Variants in PCDHGA5 observed in about 807,000 individuals in gnomAD.
PCDHGA5 encodes protocadherin gamma subfamily A, 5, also known as protocadherin gamma-A5.
In PCDHGA5, 36 loss-of-function variants were observed where a neutral mutation model predicts 56.7. The observed-to-expected ratio is 0.64, with a 90% CI of 0.49 to 0.84. The LOEUF (loss-of-function observed/expected upper bound fraction) is 0.84, where lower values mean the gene tolerates loss of function less well. PCDHGA5 is among the 40% of genes least tolerant of loss of function. PCDHGA5 has a pLI of 0.00. For missense variants in PCDHGA5, 1,305 were observed against 1,201.5 expected, an observed-to-expected ratio of 1.09 and a Z score of -1.27; for synonymous variants, 563 against 520.2, an observed-to-expected ratio of 1.08 and a Z score of -1.12.
intron 1 of PCDHGA5, among the ~76,000 whole-genome samples, chr5:141,401,937 T>A (rs531669581): frequency 2.6e-5 from 4 of 152,356 alleles, no homozygotes; most frequent in African/African-American, 7.2e-5. Flanking sequence ...TAGAATAATG[T>A]TTAAGACCAC....
intron 1 of PCDHGA5, chr5:141,427,320 G>GT: frequency 2.2e-6 from 1 of 457,086 alleles, no homozygotes; most frequent in Non-Finnish European, 4.4e-6. Context: ...CCCAGACGTG[G>GT]TTTTTACTTC....
intron 1 of PCDHGA5, chr5:141,428,862 T>TC (rs1345604550): frequency 2.7e-5 from 2 of 74,856 alleles, no homozygotes; most frequent in African/African-American, 2.0e-4. Flanking sequence ...ACGGGAGACT[T>TC]TTTTTTTTTT....
intron 1 of PCDHGA5, chr5:141,441,795 C>T (rs569465359): frequency 2.6e-6 from 1 of 387,758 alleles, no homozygotes; most frequent in Non-Finnish European, 5.1e-6. Flanking sequence ...TGACAACGCA[C>T]CGCGGGTGCT....
At chr5:141,510,682 GA>G (rs1303501817) in intron 3 of PCDHGA5, among the ~76,000 whole-genome samples, 6 of 152,154 alleles carry the variant, frequency 3.9e-5, no homozygotes, top group Non-Finnish European at 8.8e-5. Flanking sequence ...GTGGCATAAG[GA>G]GGTTAGGTAG....
At chr5:141,404,720 A>C in intron 1 of PCDHGA5, 1 of 1,613,804 alleles carries the variant, frequency 6.2e-7, no homozygotes, top group Non-Finnish European at 8.5e-7. Flanking sequence ...CCTGGTGACC[A>C]AGGTGGTGGC....
At chr5:141,505,305 C>T (rs1363643214) in intron 2 of PCDHGA5, 88 bp from the exon 3 acceptor site, 2 of 1,595,104 alleles carry the variant, frequency 1.3e-6, no homozygotes, top group Admixed American at 1.7e-5. Flanking sequence ...GGTTAGGGTA[C>T]TAGGTTTGGG....
At position 141,489,728 on chromosome 5, in the gene PCDHGA5, G is replaced by T; in HGVS notation, c.2422-5079G>T. ...GACAGTGCCCAGGATCCGGATGTGGGCACCAATACTGTGAGCTTTTACACT... is the reference window on the plus strand; with the variant it reads ...GACAGTGCCCAGGATCCGGATGTGGTCACCAATACTGTGAGCTTTTACACT... On this transcript the variant is annotated intron_variant, in intron 1 of 3. Transcript: ENST00000518069. The surrounding 1 kb of genome is among the most constrained non-coding windows in gnomAD (Gnocchi z 4.5). The T allele has an allele frequency of 3.1e-6, 5 of 1,614,138 alleles. No homozygotes were observed. The South Asian group carries it at 5.5e-5, about 18-fold the overall frequency.
At position 141,385,367 on chromosome 5, in the gene PCDHGA5, A is replaced by G. The variant is rs764038151; in HGVS notation, c.2421+18616A>G. 2.0e-5 allele frequency: 31 copies of G among 1,536,828 alleles called. 1 individual carries two copies. In the South Asian group the frequency reaches 3.9e-4, roughly 19 times the overall value. On this transcript the variant is annotated intron_variant, in intron 1 of 3. Coordinates refer to ENST00000518069, the MANE Select transcript of PCDHGA5 (RefSeq NM_018918.3). ...TTATTTCCATGAGGAATTTATTTGCATGATATTTCTCTATTATTTTGCAAA... is the reference window on the plus strand; with the variant it reads ...TTATTTCCATGAGGAATTTATTTGCGTGATATTTCTCTATTATTTTGCAAA...
chr5:141,457,806 G>A (rs1321207711), intron 1 of PCDHGA5, among the ~76,000 whole-genome samples: 1 of 152,150 alleles, frequency 6.6e-6, no homozygotes, highest in Non-Finnish European at 1.5e-5. Context: ...CTCCTCTTGA[G>A]GTCCCAAGAT....
chr5:141,469,419 A>G (rs1047562022), intron 1 of PCDHGA5, among the ~76,000 whole-genome samples: 2 of 152,066 alleles, frequency 1.3e-5, no homozygotes, highest in South Asian at 2.1e-4. Flanking sequence ...TACTAAAAAT[A>G]TAAAACTTAG....
intron 2 of PCDHGA5, among the ~76,000 whole-genome samples, chr5:141,500,212 ATT>A (rs1336187706): frequency 5.4e-5 from 8 of 148,798 alleles, no homozygotes; most frequent in African/African-American, 2.0e-4. Context: ...TTATTTATTT[ATT>A]TATTTATTTA....
At chr5:141,407,943 T>C (rs575027782) in intron 1 of PCDHGA5, 7 of 537,790 alleles carry the variant, frequency 1.3e-5, no homozygotes, top group African/African-American at 7.6e-5. Flanking sequence ...TGGGCGCCGC[T>C]GTCGGCCAGT....
At chr5:141,385,020 C>A (rs1780771634) in intron 1 of PCDHGA5, 7 of 1,614,168 alleles carry the variant, frequency 4.3e-6, no homozygotes, top group Non-Finnish European at 5.9e-6. Flanking sequence ...TCCTAGCCTT[C>A]GTCCTCGTAC....
chr5:141,371,867 C>A (rs1452583584), intron 1 of PCDHGA5: 14 of 1,613,430 alleles, frequency 8.7e-6, no homozygotes, highest in Non-Finnish European at 1.0e-5. Context: ...CCTACTACAT[C>A]GTGGCCAGTG....
In PCDHGA5 at chr5:141,478,136, C is replaced by G. The variant is rs529858044; in HGVS notation, c.2422-16671C>G. 1.4e-4 allele frequency: 218 copies of G among 1,614,048 alleles called. 3 individuals are homozygous for G. The South Asian group carries it at 2.2e-3, about 17-fold the overall frequency. ...AGTAACCGAGGACTCTCCTGAAGCC[C>G]GAGCCGAGTTCCCCTCTGGCTCTGC... is the stretch of plus-strand genomic sequence containing the variant. On this transcript the variant is annotated intron_variant, in intron 1 of 3. Coordinates refer to ENST00000518069, the MANE Select transcript of PCDHGA5 (RefSeq NM_018918.3).
chr5:141,442,898 TCTC>T (rs1427810429), intron 1 of PCDHGA5, among the ~76,000 whole-genome samples: 14 of 152,222 alleles, frequency 9.2e-5, no homozygotes, highest in Admixed American at 9.2e-4. Context: ...GCTTATCACT[TCTC>T]CTTCAGCACA....
At chr5:141,475,282 G>C (rs942761003) in intron 1 of PCDHGA5, among the ~76,000 whole-genome samples, 2 of 152,150 alleles carry the variant, frequency 1.3e-5, no homozygotes, top group African/African-American at 4.8e-5. Context: ...TGAAAGACAG[G>C]GTAGGGAAAT....
chr5:141,392,968 T>C (rs748824740), intron 1 of PCDHGA5: 1 of 1,613,910 alleles, frequency 6.2e-7, no homozygotes, highest in Non-Finnish European at 8.5e-7. Context: ...TCCAAGGACC[T>C]GGGGCTGGAC....
chr5:141,432,940 T>C lies in PCDHGA5; in HGVS notation c.2422-61867T>C, dbSNP rs142546730. On this transcript the variant is annotated intron_variant, in intron 1 of 3. Transcript: ENST00000518069. This position sits in a 1 kb window ranked among gnomAD's most constrained non-coding sequence, Gnocchi z 6.0. ...GGCACAAGTCACGCCTGCTGCAGGC[T>C]TCAGGAGGCGGCTTGACAGGAGCGC... 6 of 1,614,208 alleles carry C rather than the reference T, an allele frequency of 3.7e-6. No individual in the cohort carries two copies. The highest frequency in any genetic ancestry group is 4.2e-6 in the Non-Finnish European group (5 of 1,180,040).
Sources: gnomAD v4.1 joint callset for allele counts (sites outside exome capture counted in the v4.1 genomes callset) on GRCh38, gnomAD v4.1.1 for gene constraint, Gnocchi (gnomAD v3.1) non-coding constraint, MANE v1.5 for transcripts, NCBI Gene and HGNC (gene_info 2026-07-23, HGNC 2026-07-21) for gene names.